The following CLIC5 variants were observed in gnomAD, a reference collection of about 807,000 sequenced individuals.
CLIC5 encodes the protein CLIC family member 5, also known as chloride intracellular channel protein 5.
Under a neutral mutation model 24.7 loss-of-function variants are expected in CLIC5, and 20 were observed. The ratio of observed to expected loss-of-function variants is 0.81; its 90% CI spans 0.57 to 1.18. CLIC5 has a LOEUF of 1.18. Among genes scored for constraint, CLIC5 ranks in the 50% most tolerant of loss-of-function variants. The pLI is 0.00. For missense variants in CLIC5, 341 were observed against 326.1 expected (o/e 1.05, Z -0.35); for synonymous variants, 159 against 135.6 (o/e 1.17, Z -1.20).
At chr6:46,041,546 G>A (rs1767808922) in intron 1 of CLIC5, among the ~76,000 whole-genome samples, 2 of 152,150 alleles carry the variant, frequency 1.3e-5, no homozygotes, top group African/African-American at 4.8e-5. Flanking sequence ...ACAATGCTTA[G>A]GAAGAAGTTT....
intron 1 of CLIC5, 89 bp downstream of exon 1, chr6:46,015,391 G>T: frequency 7.6e-7 from 1 of 1,309,960 alleles, no homozygotes; most frequent in Non-Finnish European, 1.0e-6. Context: ...CCTCCTGGGA[G>T]GGTCCGGAGT....
At chr6:45,977,412 A>G (rs887496244) in intron 1 of CLIC5, among the ~76,000 whole-genome samples, 1 of 152,182 alleles carries the variant, frequency 6.6e-6, no homozygotes, top group African/African-American at 2.4e-5. Context: ...AACCCCCCAG[A>G]TCTGGAGCCC....
intron 1 of CLIC5, among the ~76,000 whole-genome samples, chr6:46,057,148 C>T (rs185751588): frequency 6.6e-5 from 10 of 152,204 alleles, no homozygotes; most frequent in Non-Finnish European, 1.5e-5. Context: ...ATTGGTCTGC[C>T]TGTGATATGG....
At chr6:45,966,343 A>G (rs2027274) in intron 1 of CLIC5, among the ~76,000 whole-genome samples, 71,098 of 151,254 alleles carry the variant, frequency 0.47, 17,924 homozygotes, top group East Asian at 0.79. Flanking sequence ...GGAATGCCCA[A>G]GCCCCACTCT....
At chr6:46,099,182 T>C in the CLIC5 span, among the ~76,000 whole-genome samples, 1 of 152,160 alleles carries the variant, frequency 6.6e-6, no homozygotes, top group Non-Finnish European at 1.5e-5. Flanking sequence ...GAATCCTAAG[T>C]GTACAGGCAC....
intron 1 of CLIC5, among the ~76,000 whole-genome samples, chr6:46,041,509 C>T (rs889811990): frequency 6.6e-6 from 1 of 152,200 alleles, no homozygotes; most frequent in Non-Finnish European, 1.5e-5. Flanking sequence ...TTGCTCATCC[C>T]AGTTCTTCGT....
chr6:46,089,324 G>T, the CLIC5 span, among the ~76,000 whole-genome samples: 2 of 152,034 alleles, frequency 1.3e-5, no homozygotes, highest in African/African-American at 4.8e-5. Flanking sequence ...TCTACTGCTT[G>T]CTTATGCAGG....
At chr6:46,058,301 T>C (rs1768317716) in intron 1 of CLIC5, among the ~76,000 whole-genome samples, 1 of 152,222 alleles carries the variant, frequency 6.6e-6, no homozygotes, top group Non-Finnish European at 1.5e-5. Context: ...CCTGAACACA[T>C]GTAATGCATC....
At chr6:46,125,009 G>A in the CLIC5 span, among the ~76,000 whole-genome samples, 1 of 152,214 alleles carries the variant, frequency 6.6e-6, no homozygotes, top group Non-Finnish European at 1.5e-5. Flanking sequence ...CATTGTGGAA[G>A]ACAGTGTGGC....
At chr6:45,937,346 G>A (rs970858862) in intron 4 of CLIC5, 5 of 152,206 alleles carry the variant, frequency 3.3e-5, no homozygotes, top group Admixed American at 6.5e-5. Context: ...GGTTTTACAT[G>A]CGCTGAGTTA....
chr6:46,123,344 T>C, the CLIC5 span, among the ~76,000 whole-genome samples: 1 of 152,188 alleles, frequency 6.6e-6, no homozygotes, highest in African/African-American at 2.4e-5. Flanking sequence ...CATGATTATC[T>C]CAATAGATGC....
intron 1 of CLIC5, among the ~76,000 whole-genome samples, chr6:45,973,874 G>A (rs1765285850): frequency 6.6e-6 from 1 of 150,632 alleles, no homozygotes; most frequent in Admixed American, 6.6e-5. Flanking sequence ...AGGTTGCAGT[G>A]AGCCGAGATG....
the CLIC5 span, among the ~76,000 whole-genome samples, chr6:46,120,853 G>A: frequency 6.6e-6 from 1 of 152,174 alleles, no homozygotes; most frequent in Non-Finnish European, 1.5e-5. Context: ...TCAAATTAAT[G>A]AAATGAAGCA....
At chr6:46,076,986 A>C (rs1022725992) in intron 1 of CLIC5, among the ~76,000 whole-genome samples, 1 of 151,992 alleles carries the variant, frequency 6.6e-6, no homozygotes, top group Non-Finnish European at 1.5e-5. Flanking sequence ...AAAATACAAA[A>C]ATTACCTGGG....
chr6:46,119,718 T>C, the CLIC5 span, among the ~76,000 whole-genome samples: 2 of 152,146 alleles, frequency 1.3e-5, no homozygotes, highest in African/African-American at 2.4e-5. Context: ...ACCTTGAAAA[T>C]CGGGTCACTC....
At position 45,941,570 on chromosome 6, in the gene CLIC5, T is replaced by G. The variant is rs139440351; in HGVS notation, c.383A>C (p.Asn128Thr). 1.2e-6 allele frequency: 2 copies of G among 1,613,238 alleles called. No homozygotes were observed. Among genetic ancestry groups the G allele is most frequent in the East Asian group, 2.2e-5 (1 of 44,858 alleles). The change falls in exon 4 of 6, where the codon AAT becomes ACT. Residue 128 changes from asparagine to threonine, a missense_variant. Transcript: ENST00000339561. Reference sequence around the variant, plus strand: ...ACCAGCATTGTTCTGCTGCTTGGTATTTTTGATGTAGGCAGAAAACTTGGA... The same window carrying G: ...ACCAGCATTGTTCTGCTGCTTGGTAGTTTTGATGTAGGCAGAAAACTTGGA... ...IFSKFSAYIK[N>T]TKQQNNAALE...
At chr6:45,903,715 C>T (rs779045661) in intron 5 of CLIC5, among the ~76,000 whole-genome samples, 1 of 152,154 alleles carries the variant, frequency 6.6e-6, no homozygotes, top group Non-Finnish European at 1.5e-5. Flanking sequence ...TAGACTATTA[C>T]ATTTAAAGTT....
At chr6:45,938,308 G>T (rs1243207572) in intron 4 of CLIC5, among the ~76,000 whole-genome samples, 3 of 152,206 alleles carry the variant, frequency 2.0e-5, no homozygotes, top group Non-Finnish European at 4.4e-5. Context: ...CTCTCTACAG[G>T]AGGGCAAGCC....
chr6:46,029,493 T>C (rs1767438386), intron 1 of CLIC5, among the ~76,000 whole-genome samples: 1 of 152,230 alleles, frequency 6.6e-6, no homozygotes, highest in Non-Finnish European at 1.5e-5. Context: ...GAGCCAGGAC[T>C]AGCCTCTGTG....
Sources: gnomAD v4.1 joint callset for allele counts (sites outside exome capture counted in the v4.1 genomes callset) on GRCh38, gnomAD v4.1.1 for gene constraint, MANE v1.5 for transcripts, NCBI Gene and HGNC (gene_info 2026-07-23, HGNC 2026-07-21) for gene names.